Variants in RALGDS observed in about 807,000 individuals in gnomAD.
RALGDS encodes ral guanine nucleotide dissociation stimulator.
A neutral mutation model predicts 99.8 loss-of-function variants in RALGDS; 44 were observed. The ratio of observed to expected loss-of-function variants is 0.44; its 90% CI spans 0.35 to 0.57. The LOEUF (loss-of-function observed/expected upper bound fraction) is 0.57. Among genes scored for constraint, RALGDS ranks in the 20% least tolerant of loss-of-function variants. RALGDS has a pLI of 0.01. For synonymous variants in RALGDS, 529 were observed against 505.0 expected (o/e 1.05, Z -0.64); for missense variants, 1,022 against 1,203.1 (o/e 0.85, Z 2.23).
intron 17 of RALGDS, 79 bp downstream of exon 17, chr9:133,100,189 G>A (rs1173444366): frequency 7.5e-7 from 1 of 1,326,922 alleles, no homozygotes; most frequent in Non-Finnish European, 1.1e-6. Context: ...ATTTTCTGGG[G>A]CCAAAGGCTT....
chr9:133,129,119 T>G, intron 1 of RALGDS: 1 of 1,412,012 alleles, frequency 7.1e-7, no homozygotes, highest in Non-Finnish European at 9.5e-7. Context: ...GCAGAGGCAC[T>G]GGTTGCCCTG....
Position 133,141,446 on chromosome 9 carries a change from T to TA in RALGDS, c.18+7516dup, listed in dbSNP as rs569794230. Among the ~76,000 whole-genome samples, 26 of 100,526 alleles carry TA rather than the reference T, an allele frequency of 2.6e-4. No homozygotes were observed. The South Asian group carries it at 3.2e-3, about 12-fold the overall frequency. 65.9% of individuals were successfully genotyped at this position (100,526 alleles called of 152,430 possible). A position where few individuals can be genotyped will look rare whatever the true frequency, so the allele number is the denominator to read the frequency against. ...GGTGCCCACAAACTAAGGCAGCCCCTATGGGAGCCCAAGGGCAGGGCTTTC... is the reference window on the plus strand; with the variant it reads ...GGTGCCCACAAACTAAGGCAGCCCCTAATGGGAGCCCAAGGGCAGGGCTTTC... On this transcript the variant is annotated intron_variant, in intron 1 of 17. Coordinates refer to the RALGDS transcript ENST00000393160.
chr9:133,141,368 T>G (rs1832518218), intron 1 of RALGDS, among the ~76,000 whole-genome samples: 1 of 152,176 alleles, frequency 6.6e-6, no homozygotes, highest in African/African-American at 2.4e-5. Flanking sequence ...TGGACACCCC[T>G]CATCCATGTT....
intron 7 of RALGDS, 123 bp downstream of exon 7, chr9:133,106,962 G>A (rs370750636): frequency 9.9e-6 from 11 of 1,113,344 alleles, no homozygotes; most frequent in East Asian, 2.4e-5. Flanking sequence ...TGGGCTGGGA[G>A]AGTCAAGGCC....
chr9:133,132,147 G>T (rs1207813780), upstream of RALGDS, among the ~76,000 whole-genome samples: 2 of 152,262 alleles, frequency 1.3e-5, no homozygotes, highest in African/African-American at 4.8e-5. Context: ...GATCCTAGCA[G>T]ATAGCTTGGA....
intron 1 of RALGDS, among the ~76,000 whole-genome samples, chr9:133,112,874 C>T (rs1035406584): frequency 6.6e-6 from 1 of 152,164 alleles, no homozygotes; most frequent in Non-Finnish European, 1.5e-5. Flanking sequence ...ACCATCATCA[C>T]GTGAGGGGAC....
chr9:133,102,988 T>TC (rs1830834248), intron 12 of RALGDS, 88 bp from the exon 13 acceptor site: 3 of 1,560,956 alleles, frequency 1.9e-6, no homozygotes, highest in Non-Finnish European at 2.6e-6. Flanking sequence ...TGGGGTCCCT[T>TC]CCTCCCCTCT....
intron 1 of RALGDS, among the ~76,000 whole-genome samples, chr9:133,143,997 ACC>A (rs1459230687): frequency 1.3e-5 from 2 of 151,634 alleles, no homozygotes; most frequent in Admixed American, 1.3e-4. Context: ...GGCTGTGCTG[ACC>A]CCCACCAGGA....
chr9:133,143,941 GC>G (rs1832580676), intron 1 of RALGDS, among the ~76,000 whole-genome samples: 1 of 151,960 alleles, frequency 6.6e-6, no homozygotes, highest in African/African-American at 2.4e-5. Context: ...CTGCTCCTCA[GC>G]CCCACACTGC....
At chr9:133,102,440 G>A (rs1349954266) in intron 14 of RALGDS, 36 bp downstream of exon 14, 5 of 1,596,962 alleles carry the variant, frequency 3.1e-6, no homozygotes, top group Non-Finnish European at 4.3e-6. Flanking sequence ...TGAGCCCCAA[G>A]GCAGCTGCCC....
intron 1 of RALGDS, among the ~76,000 whole-genome samples, chr9:133,142,735 G>T (rs1373827974): frequency 6.6e-6 from 1 of 152,206 alleles, no homozygotes; most frequent in Non-Finnish European, 1.5e-5. Flanking sequence ...ATTAGAGCAG[G>T]GAGACGATGA....
At chr9:133,102,661 C>T (rs911863867) in intron 13 of RALGDS, 90 bp from the exon 14 acceptor site, 16 of 1,604,550 alleles carry the variant, frequency 1.0e-5, no homozygotes, top group East Asian at 4.5e-5. Context: ...CGGGGTGCCC[C>T]GGCCATCCTC....
At chr9:133,141,461 G>A (rs1832520720) in intron 1 of RALGDS, among the ~76,000 whole-genome samples, 1 of 152,114 alleles carries the variant, frequency 6.6e-6, no homozygotes, top group South Asian at 2.1e-4. Context: ...GAGCCCAAGG[G>A]CAGGGCTTTC....
At position 133,121,186 on chromosome 9, in the gene RALGDS, C is replaced by A. The variant is rs1831922158; in HGVS notation, c.-32G>T. On this transcript the variant is annotated 5_prime_UTR_variant, in exon 1 of 18. Coordinates refer to ENST00000372050, the MANE Select transcript of RALGDS (RefSeq NM_006266.4). ...CTCGCAGCGCGGGCGCGGGGCCGGCCCGGCGCGCGGCGGGGGCGGCGGCGC... is the reference window on the plus strand; with the variant it reads ...CTCGCAGCGCGGGCGCGGGGCCGGCACGGCGCGCGGCGGGGGCGGCGGCGC... 4.4e-6 allele frequency: 4 copies of A among 911,124 alleles called. No homozygotes were observed. The South Asian group carries it at 1.9e-4, about 43-fold the overall frequency. 56.4% of individuals were successfully genotyped at this position (911,124 alleles called of 1,614,324 possible).
chr9:133,148,934 A>G lies in RALGDS; in HGVS notation c.18+29T>C, dbSNP rs543096008. 39 of 1,600,944 alleles carry G rather than the reference A, an allele frequency of 2.4e-5. No homozygotes were observed. The South Asian group carries it at 3.2e-4, about 13-fold the overall frequency. On this transcript the variant is annotated intron_variant, in intron 1 of 17. Transcript: ENST00000393160. ...GCATACGGTCCTCCCTCCACCCGCG[A>G]CGCGAGGCTGGGGACGGCGCGCACT...
chr9:133,123,846 A>C, upstream of RALGDS, among the ~76,000 whole-genome samples: 1 of 128,716 alleles, frequency 7.8e-6, no homozygotes, highest in African/African-American at 2.9e-5. Flanking sequence ...ACACACACAC[A>C]CACAGACACA....
At chr9:133,132,827 A>T (rs1832363073), upstream of RALGDS, among the ~76,000 whole-genome samples, 1 of 151,902 alleles carries the variant, frequency 6.6e-6, no homozygotes, top group Admixed American at 6.6e-5. Context: ...TTTAGTAGAG[A>T]TGGGGTTTTA....
intron 2 of RALGDS, 143 bp downstream of exon 2, chr9:133,111,899 G>C (rs1015596311): frequency 1.4e-6 from 1 of 690,178 alleles, no homozygotes; most frequent in Non-Finnish European, 2.6e-6. Context: ...ATGAAAACCC[G>C]ATTAAGCCTG....
chr9:133,103,586 C>T, intron 11 of RALGDS, 161 bp downstream of exon 11: 1 of 830,126 alleles, frequency 1.2e-6, no homozygotes, highest in Non-Finnish European at 2.1e-6. Flanking sequence ...CCCACTCAGC[C>T]AAACCCTGCT....
Sources: gnomAD v4.1 joint callset for allele counts (sites outside exome capture counted in the v4.1 genomes callset) on GRCh38, gnomAD v4.1.1 for gene constraint, MANE v1.5 for transcripts, NCBI Gene and HGNC (gene_info 2026-07-23, HGNC 2026-07-21) for gene names.